SLC8A1: variants seen among roughly 807,000 people sequenced by gnomAD.
The protein encoded by SLC8A1 is solute carrier family 8 member A1.
Under a neutral mutation model 68.3 loss-of-function variants are expected in SLC8A1, and 18 were observed. The observed-to-expected ratio is 0.26, with a 90% CI of 0.18 to 0.39. SLC8A1 has a LOEUF of 0.39. SLC8A1 is among the 10% of genes least tolerant of loss of function. The pLI is 1.00. For synonymous variants in SLC8A1, 475 were observed against 415.5 expected, an observed-to-expected ratio of 1.14 and a Z score of -1.74; for missense variants, 985 against 1,156.7, an observed-to-expected ratio of 0.85 and a Z score of 2.15.
chr2:40,196,288 T>C (rs1177930233), intron 2 of SLC8A1, among the ~76,000 whole-genome samples: 2 of 151,970 alleles, frequency 1.3e-5, no homozygotes, highest in Admixed American at 6.6e-5. Flanking sequence ...GGGGCAGTTG[T>C]AGTGAGTGGT....
intron 2 of SLC8A1, among the ~76,000 whole-genome samples, chr2:40,341,280 T>C (rs935799471): frequency 9.2e-5 from 14 of 152,276 alleles, no homozygotes; most frequent in African/African-American, 3.1e-4. Flanking sequence ...TATTTTCAAA[T>C]ATATGTCTCA....
In SLC8A1 at chr2:40,449,572, G is replaced by A. The variant is rs1245571214; in HGVS notation, c.-25+2332C>T. Reference sequence around the variant, plus strand: ...CTTTCCATTTGTAATTTTATTGGGAGTCAAAGCACTGTTACTCCCATGCTC... The same window carrying A: ...CTTTCCATTTGTAATTTTATTGGGAATCAAAGCACTGTTACTCCCATGCTC... On this transcript the variant is annotated intron_variant, in intron 1 of 7. Transcript: ENST00000406785. Among the ~76,000 whole-genome samples the A allele has an allele frequency of 2.6e-5, 4 of 152,124 alleles. No individual in the cohort carries two copies. The East Asian group carries it at 5.8e-4, about 22-fold the overall frequency.
At chr2:40,381,913 C>G (rs56316253) in intron 2 of SLC8A1, among the ~76,000 whole-genome samples, 50,209 of 151,732 alleles carry the variant, frequency 0.33, 12,146 homozygotes, top group African/African-American at 0.69. Flanking sequence ...TCCTCATGTA[C>G]TTACATTTCT....
intron 2 of SLC8A1, among the ~76,000 whole-genome samples, chr2:40,188,037 A>G (rs1259513258): frequency 6.6e-6 from 1 of 152,202 alleles, no homozygotes; most frequent in Non-Finnish European, 1.5e-5. Context: ...TTCTCTGCTC[A>G]GTGAAAATTA....
intron 1 of SLC8A1, among the ~76,000 whole-genome samples, chr2:40,463,897 T>TAG (rs71414285): frequency 0.19 from 27,325 of 143,110 alleles, 3,037 homozygotes; most frequent in African/African-American, 0.25. Context: ...CATATATATA[T>TAG]AGAGAGAGAG....
chr2:40,418,667 T>C (rs1694599047), intron 2 of SLC8A1, among the ~76,000 whole-genome samples: 1 of 152,178 alleles, frequency 6.6e-6, no homozygotes, highest in African/African-American at 2.4e-5. Flanking sequence ...ATGCACAGCA[T>C]TAAGAAGCGA....
chr2:40,243,613 C>A (rs900755442), intron 2 of SLC8A1, among the ~76,000 whole-genome samples: 1 of 152,166 alleles, frequency 6.6e-6, no homozygotes, highest in African/African-American at 2.4e-5. Context: ...TCAAATGGAG[C>A]CTATGGCCCT....
At chr2:40,257,151 A>C (rs1214772303) in intron 2 of SLC8A1, among the ~76,000 whole-genome samples, 2 of 152,148 alleles carry the variant, frequency 1.3e-5, no homozygotes, top group Non-Finnish European at 2.9e-5. Context: ...CAATCTTTTT[A>C]ATTGGGCTTT....
At chr2:40,223,286 T>G (rs1242011401) in intron 2 of SLC8A1, among the ~76,000 whole-genome samples, 1 of 152,142 alleles carries the variant, frequency 6.6e-6, no homozygotes, top group African/African-American at 2.4e-5. Context: ...AAACACCACA[T>G]GTTCTCACTC....
intron 2 of SLC8A1, among the ~76,000 whole-genome samples, chr2:40,294,937 C>T (rs1006817153): frequency 6.6e-6 from 1 of 151,964 alleles, no homozygotes; most frequent in African/African-American, 2.4e-5. Flanking sequence ...ATGGCTTCCA[C>T]CGGGGTGACA....
At chr2:40,138,813 G>C (rs375946719) in intron 7 of SLC8A1, among the ~76,000 whole-genome samples, 24 of 152,268 alleles carry the variant, frequency 1.6e-4, no homozygotes, top group African/African-American at 4.6e-4. Flanking sequence ...AAAAAATTCA[G>C]CTTGTAAGGA....
At chr2:40,364,491 A>G (rs749376965) in intron 2 of SLC8A1, among the ~76,000 whole-genome samples, 7 of 126,658 alleles carry the variant, frequency 5.5e-5, no homozygotes, top group Non-Finnish European at 9.7e-5. Context: ...AAACTTTACA[A>G]TCTAATAAAA....
At chr2:40,232,749 C>A (rs1305325949) in intron 2 of SLC8A1, among the ~76,000 whole-genome samples, 1 of 84,260 alleles carries the variant, frequency 1.2e-5, no homozygotes, top group Non-Finnish European at 2.9e-5. Context: ...ATCCCTCCCC[C>A]CCCGCCACCC....
chr2:40,136,903 T>C (rs561881251), intron 7 of SLC8A1, among the ~76,000 whole-genome samples: 44 of 152,314 alleles, frequency 2.9e-4, no homozygotes, highest in East Asian at 1.7e-3. Flanking sequence ...TGCTGCACAG[T>C]TAATATTGCA....
chr2:40,418,425 T>G (rs1173054787), intron 2 of SLC8A1, among the ~76,000 whole-genome samples: 5 of 152,158 alleles, frequency 3.3e-5, no homozygotes, highest in African/African-American at 1.2e-4. Context: ...CTCCCATATC[T>G]GATCTTTTGT....
chr2:40,162,294 G>A (rs956503797), intron 5 of SLC8A1, among the ~76,000 whole-genome samples: 1 of 152,128 alleles, frequency 6.6e-6, no homozygotes, highest in African/African-American at 2.4e-5. Flanking sequence ...CAAGTACTCT[G>A]ACCATCCTCA....
At chr2:40,401,937 C>T (rs1437856932) in intron 2 of SLC8A1, among the ~76,000 whole-genome samples, 1 of 152,000 alleles carries the variant, frequency 6.6e-6, no homozygotes, top group African/African-American at 2.4e-5. Context: ...ACAGATTGCC[C>T]CATATCTAAT....
At chr2:40,312,649 C>A (rs2073883655) in intron 2 of SLC8A1, among the ~76,000 whole-genome samples, 1 of 152,034 alleles carries the variant, frequency 6.6e-6, no homozygotes, top group East Asian at 1.9e-4. Context: ...GATTCTAAAC[C>A]AATGGGTCAC....
In SLC8A1 at chr2:40,139,555, G is replaced by C; in HGVS notation, c.2283C>G (p.Tyr761Ter). 1 of 1,614,170 alleles carries C rather than the reference G, an allele frequency of 6.2e-7. No homozygotes were observed. Among genetic ancestry groups the C allele is most frequent in the Non-Finnish European group, 8.5e-7 (1 of 1,180,036 alleles). Residue 761 changes from tyrosine to a stop codon, truncating the protein, a stop_gained, in exon 7 of 8, where the codon TAC (tyrosine) becomes TAG (stop). Transcript: ENST00000406785. LOFTEE classifies it high-confidence loss of function. ...CAATGAAACACGCCCAGCCATTCCA[G>C]TATTCAGTAGGGGGGACGAAGGCAA...
Sources: allele counts gnomAD v4.1 joint callset (sites outside exome capture counted in the v4.1 genomes callset), GRCh38; gene constraint gnomAD v4.1.1; transcripts MANE v1.5; gene names NCBI Gene and HGNC (gene_info 2026-07-23, HGNC 2026-07-21).